CNTN5: variants seen among roughly 807,000 people sequenced by gnomAD.
The protein encoded by CNTN5 is contactin-5.
In CNTN5, 77 loss-of-function variants were observed where a neutral mutation model predicts 129.1. The ratio of observed to expected loss-of-function variants is 0.60; its 90% CI spans 0.50 to 0.72. The LOEUF is 0.72. Ranked by LOEUF, CNTN5 falls within the 30% of genes least tolerant of loss-of-function variation. The pLI, the probability that CNTN5 is intolerant of heterozygous loss-of-function variation, is 0.00. For missense variants in CNTN5, 1,478 were observed against 1,328.8 expected (o/e 1.11, Z -1.75); for synonymous variants, 509 against 465.6 (o/e 1.09, Z -1.20).
intron 1 of CNTN5, among the ~76,000 whole-genome samples, chr11:99,059,660 T>A (rs951862339): frequency 6.6e-6 from 1 of 152,108 alleles, no homozygotes; most frequent in African/African-American, 2.4e-5. Context: ...CTATTTACAA[T>A]CTGTATTTTG....
chr11:99,934,898 G>GTATATATA (rs200635742), intron 7 of CNTN5, among the ~76,000 whole-genome samples: 7 of 67,942 alleles, frequency 1.0e-4, no homozygotes, highest in African/African-American at 7.0e-4. Context: ...GTGTGTGTGT[G>GTATATATA]TATATATATA....
intron 2 of CNTN5, among the ~76,000 whole-genome samples, chr11:99,467,194 C>T (rs1944978532): frequency 6.6e-6 from 1 of 152,032 alleles, no homozygotes; most frequent in Admixed American, 6.5e-5. Flanking sequence ...TAAAACAAAA[C>T]TTTAATATAG....
At chr11:100,253,054 G>A (rs1295768025) in intron 16 of CNTN5, among the ~76,000 whole-genome samples, 1 of 152,136 alleles carries the variant, frequency 6.6e-6, no homozygotes, top group Non-Finnish European at 1.5e-5. Context: ...GGAAGTGATA[G>A]TGGCCACCTT....
intron 6 of CNTN5, among the ~76,000 whole-genome samples, chr11:99,868,992 T>C (rs553756768): frequency 6.6e-6 from 1 of 152,278 alleles, no homozygotes; most frequent in East Asian, 1.9e-4. Context: ...GTTGGAACGT[T>C]CAGACCCAAG....
intron 1 of CNTN5, among the ~76,000 whole-genome samples, chr11:99,180,978 C>T (rs1039581341): frequency 1.3e-5 from 2 of 152,206 alleles, no homozygotes; most frequent in Admixed American, 6.5e-5. Context: ...GCAAATTCAT[C>T]TTATAACAAC....
intron 17 of CNTN5, among the ~76,000 whole-genome samples, chr11:100,263,965 T>G (rs1490445125): frequency 6.6e-6 from 1 of 152,190 alleles, no homozygotes; most frequent in African/African-American, 2.4e-5. Flanking sequence ...GTACCTATCT[T>G]CTACCTGCTA....
intron 1 of CNTN5, among the ~76,000 whole-genome samples, chr11:99,124,428 G>A (rs1401155858): frequency 2.0e-5 from 3 of 151,964 alleles, no homozygotes; most frequent in Non-Finnish European, 4.4e-5. Flanking sequence ...GAGCTTTTCT[G>A]CAGAGACTAT....
intron 1 of CNTN5, among the ~76,000 whole-genome samples, chr11:99,117,092 T>C (rs1858078986): frequency 6.6e-6 from 1 of 152,104 alleles, no homozygotes; most frequent in East Asian, 1.9e-4. Context: ...TCCAGAAGTA[T>C]GGAGAAGATT....
chr11:99,116,643 G>A (rs769201137), intron 1 of CNTN5, among the ~76,000 whole-genome samples: 13 of 152,104 alleles, frequency 8.5e-5, no homozygotes, highest in Non-Finnish European at 1.9e-4. Flanking sequence ...TATTGAATGA[G>A]TTTATAGAGT....
chr11:99,344,147 C>T (rs898749942), intron 2 of CNTN5, among the ~76,000 whole-genome samples: 3 of 152,106 alleles, frequency 2.0e-5, no homozygotes, highest in African/African-American at 7.2e-5. Flanking sequence ...GTCTATGGCA[C>T]GAGGAAGCTT....
At chr11:100,209,541 A>C (rs551989361) in intron 15 of CNTN5, among the ~76,000 whole-genome samples, 1 of 152,354 alleles carries the variant, frequency 6.6e-6, no homozygotes, top group Non-Finnish European at 1.5e-5. Flanking sequence ...CAACAGTTAG[A>C]AATTAACAGG....
At position 100,193,555 on chromosome 11, in the gene CNTN5, T is replaced by C. The variant is rs200430740; in HGVS notation, c.1776T>C (p.Asn592=). The change falls in exon 15 of 25, where the codon AAT becomes AAC. Residue 592 remains asparagine, a synonymous_variant. Transcript: ENST00000524871. The part of the protein sequence containing the change: ...ELTVGESIVL[N]CKAIHDASLD... The stretch of plus-strand genomic sequence containing the variant: ...CAGTGGGAGAAAGCATTGTCCTTAA[T>C]TGCAAAGCAATTCACGATGCTAGTT... 1.7e-5 allele frequency: 27 copies of C among 1,611,408 alleles called. No individual in the cohort carries two copies. Among genetic ancestry groups the C allele is most frequent in the Admixed American group, 3.4e-5 (2 of 59,664 alleles).
intron 4 of CNTN5, among the ~76,000 whole-genome samples, chr11:99,838,585 C>T (rs1947377705): frequency 1.3e-5 from 2 of 152,166 alleles, no homozygotes; most frequent in Non-Finnish European, 2.9e-5. Context: ...CTAGGTCTTT[C>T]ATGAGGCTGC....
chr11:100,230,414 T>C (rs1319004517), intron 16 of CNTN5, among the ~76,000 whole-genome samples: 1 of 152,222 alleles, frequency 6.6e-6, no homozygotes, highest in Non-Finnish European at 1.5e-5. Flanking sequence ...GTTTCTTTTC[T>C]CTTATGCTTT....
chr11:99,278,374 G>A (rs1356542173), intron 1 of CNTN5, among the ~76,000 whole-genome samples: 3 of 151,592 alleles, frequency 2.0e-5, no homozygotes, highest in Non-Finnish European at 4.4e-5. Context: ...TAAAATTCAA[G>A]TTTGTCCTTT....
chr11:99,905,005 T>C (rs1159293406), intron 6 of CNTN5, among the ~76,000 whole-genome samples: 4 of 152,244 alleles, frequency 2.6e-5, no homozygotes, highest in African/African-American at 9.6e-5. Flanking sequence ...TCTTTTCTTG[T>C]AAATTAGTTT....
In CNTN5 at chr11:99,746,156, A is replaced by G. The variant is rs116954247; in HGVS notation, c.56-73388A>G. 3.1e-3 allele frequency among the ~76,000 whole-genome samples: 465 copies of G among 152,316 alleles called. 3 individuals carry two copies. Among genetic ancestry groups the G allele is most frequent in the Non-Finnish European group, 5.2e-3 (351 of 68,028 alleles). Reference sequence around the variant, plus strand: ...TACTAAAAAAATCCTTGCCCAAACCAATGGCAAGAATATTTTTTTCCCTAC... The same window carrying G: ...TACTAAAAAAATCCTTGCCCAAACCGATGGCAAGAATATTTTTTTCCCTAC... On this transcript the variant is annotated intron_variant, in intron 3 of 24. Transcript: ENST00000524871.
chr11:100,050,275 C>T (rs1202786972), intron 9 of CNTN5, among the ~76,000 whole-genome samples: 1 of 152,126 alleles, frequency 6.6e-6, no homozygotes, highest in Admixed American at 6.5e-5. Context: ...CACATATACA[C>T]CATGGAATAC....
At chr11:99,630,247 CAT>C (rs201091704) in intron 3 of CNTN5, among the ~76,000 whole-genome samples, 3,189 of 151,048 alleles carry the variant, frequency 0.021, 111 homozygotes, top group African/African-American at 0.07. Flanking sequence ...TGTGTATATA[CAT>C]ATATATATAT....
Sources: allele counts gnomAD v4.1 joint callset (sites outside exome capture counted in the v4.1 genomes callset), GRCh38; gene constraint gnomAD v4.1.1; transcripts MANE v1.5; gene names NCBI Gene and HGNC (gene_info 2026-07-23, HGNC 2026-07-21).